TF: variants seen among roughly 807,000 people sequenced by gnomAD.
TF encodes the protein serotransferrin.
A neutral mutation model predicts 82.4 loss-of-function variants in TF; 55 were observed. The ratio of observed to expected loss-of-function variants is 0.67; its 90% CI spans 0.54 to 0.84. The LOEUF (loss-of-function observed/expected upper bound fraction) is 0.84. Ranked by LOEUF, TF falls within the 40% of genes least tolerant of loss-of-function variation. TF has a pLI of 0.00. For synonymous variants in TF, 332 were observed against 332.6 expected (o/e 1.00, Z 0.02); for missense variants, 737 against 868.4 (o/e 0.85, Z 1.90).
chr3:133,757,029 T>G lies in TF; in HGVS notation c.870+20T>G. 6.2e-7 allele frequency: 1 copy of G among 1,614,020 alleles called. No homozygotes were observed. The highest frequency in any genetic ancestry group is 2.2e-5 in the East Asian group (1 of 44,860). On this transcript the variant is annotated intron_variant, in intron 7 of 16. Coordinates refer to ENST00000402696, the MANE Select transcript of TF (RefSeq NM_001063.4). The stretch of plus-strand genomic sequence containing the variant: ...GCCCAGGTATCCCCACCTGCCATCC[T>G]CCCCTCCAGCTTAGTGCTCCCTGCT...
intron 8 of TF, 67 bp from the exon 9 acceptor site, chr3:133,759,101 CAGTGAGT>C: frequency 6.3e-7 from 1 of 1,579,450 alleles, no homozygotes; most frequent in Non-Finnish European, 8.7e-7. Context: ...TGCATGAAGA[CAGTGAGT>C]AGTGCTGACA....
At chr3:133,670,739 G>A in the TF span, among the ~76,000 whole-genome samples, 33 of 152,298 alleles carry the variant, frequency 2.2e-4, 1 homozygote, top group African/African-American at 6.0e-4. Flanking sequence ...CCAACCTTGT[G>A]TTAGAATGTT....
chr3:133,674,840 AC>A, the TF span, among the ~76,000 whole-genome samples: 1 of 152,034 alleles, frequency 6.6e-6, no homozygotes, highest in African/African-American at 2.4e-5. Context: ...CCTCGCAGAA[AC>A]CCCATTGACT....
chr3:133,738,568 C>A, the TF span, among the ~76,000 whole-genome samples: 718 of 135,774 alleles, frequency 5.3e-3, 2 homozygotes, highest in Non-Finnish European at 5.5e-3. Context: ...AAAACCCCAT[C>A]GTCTCAGTCC....
chr3:133,792,980 C>T lies in TF; in HGVS notation c.*14360C>T, dbSNP rs1934877740. On this transcript the variant is annotated 3_prime_UTR_variant, in exon 17 of 17. Coordinates refer to ENST00000402696, the MANE Select transcript of TF (RefSeq NM_001063.4). Reference sequence around the variant, plus strand: ...GATTATAAAAGGTTTATGAGAATCTCACCTTATGGTCAAACGGATTAAGAT... The same window carrying T: ...GATTATAAAAGGTTTATGAGAATCTTACCTTATGGTCAAACGGATTAAGAT... The T allele has an allele frequency of 6.6e-6, 1 of 152,150 alleles. No homozygotes were observed. Among genetic ancestry groups the T allele is most frequent in the African/African-American group, 2.4e-5 (1 of 41,446 alleles). The allele number at this position is 152,150 out of a possible 1,614,324, so 9.4% of individuals were successfully genotyped here. A position where few individuals can be genotyped will look rare whatever the true frequency, so the allele number is the denominator to read the frequency against.
At chr3:133,711,092 T>C in the TF span, among the ~76,000 whole-genome samples, 90 of 152,364 alleles carry the variant, frequency 5.9e-4, 1 homozygote, top group South Asian at 1.4e-3. Context: ...TTGTTTTTCT[T>C]CTATTCTCAC....
intron 11 of TF, 80 bp from the exon 12 acceptor site, chr3:133,766,198 C>A (rs1934121913): frequency 7.2e-7 from 1 of 1,389,100 alleles, no homozygotes; most frequent in African/African-American, 1.4e-5. Context: ...TCTTTGCTTC[C>A]CTAGGGAAAT....
At chr3:133,693,943 G>A in the TF span, among the ~76,000 whole-genome samples, 5 of 152,202 alleles carry the variant, frequency 3.3e-5, no homozygotes, top group Non-Finnish European at 7.3e-5. Context: ...CAGCGGACAA[G>A]CTGGGGAACA....
At chr3:133,760,871 T>C (rs1933975993) in intron 9 of TF, 1 of 152,776 alleles carries the variant, frequency 6.5e-6, no homozygotes. Context: ...TATGCTACTT[T>C]AGGAGGTCCA....
chr3:133,690,721 A>G, the TF span, among the ~76,000 whole-genome samples: 2 of 152,082 alleles, frequency 1.3e-5, no homozygotes, highest in African/African-American at 4.8e-5. Flanking sequence ...TGCATCTGTT[A>G]TTGGGGTTTG....
the TF span, chr3:133,692,761 G>T: frequency 0.6 from 91,520 of 152,140 alleles, 28,313 homozygotes; most frequent in African/African-American, 0.75. Context: ...TATTCCTCTC[G>T]GCTCCTTTGC....
At chr3:133,759,728 C>T (rs895192661) in intron 9 of TF, among the ~76,000 whole-genome samples, 4 of 152,140 alleles carry the variant, frequency 2.6e-5, no homozygotes, top group Non-Finnish European at 5.9e-5. Flanking sequence ...TGGTGGCATG[C>T]ACCTGTAGTC....
intron 2 of TF, among the ~76,000 whole-genome samples, chr3:133,748,958 G>A (rs752638977): frequency 2.6e-5 from 4 of 151,952 alleles, no homozygotes; most frequent in Non-Finnish European, 4.4e-5. Context: ...TCAGGAGTTC[G>A]AGACCAGCCT....
intron 3 of TF, among the ~76,000 whole-genome samples, 199 bp from the exon 4 acceptor site, chr3:133,754,296 A>G (rs1021101338): frequency 3.3e-5 from 5 of 152,144 alleles, no homozygotes; most frequent in African/African-American, 1.2e-4. Context: ...CTGGAGGGGT[A>G]ATATTATAAA....
the TF span, among the ~76,000 whole-genome samples, chr3:133,728,438 C>G: frequency 1.2e-3 from 184 of 149,242 alleles, 2 homozygotes; most frequent in African/African-American, 4.5e-3. Context: ...TCTTCCAGTT[C>G]ATTGCATCAG....
In TF at chr3:133,759,293, A is replaced by G. The variant is rs1377722061; in HGVS notation, c.1167A>G (p.Ser389=). 2 of 1,613,614 alleles carry G rather than the reference A, an allele frequency of 1.2e-6. No individual in the cohort carries two copies. Among genetic ancestry groups the G allele is most frequent in the Admixed American group, 1.7e-5 (1 of 59,980 alleles). The part of the protein sequence containing the change: ...VNSVGKIECV[S]AETTEDCIAK... Reference sequence around the variant, plus strand: ...GTGTAGGGAAAATAGAGTGTGTATCAGCAGAGACCACCGAAGACTGCATCG... The same window carrying G: ...GTGTAGGGAAAATAGAGTGTGTATCGGCAGAGACCACCGAAGACTGCATCG... Residue 389 remains serine, a synonymous_variant, in exon 9 of 17, where the codon TCA becomes TCG. Transcript: ENST00000402696.
At position 133,796,555 on chromosome 3, in the gene TF, C is replaced by T. The variant is rs142955264; in HGVS notation, c.*17935C>T. ...TTTAAACCCCAGAAAATTCTGTAAC[C>T]GGGCTATTGAGCCCCTATGCTCAAG... On this transcript the variant is annotated 3_prime_UTR_variant, in exon 17 of 17. Transcript: ENST00000402696. The T allele has an allele frequency of 1.2e-4, 19 of 152,318 alleles. No individual in the cohort carries two copies. The highest frequency in any genetic ancestry group is 3.8e-4 in the African/African-American group (16 of 41,572). 9.4% of individuals were successfully genotyped at this position (152,318 alleles called of 1,614,324 possible). A position where few individuals can be genotyped will look rare whatever the true frequency, so the allele number is the denominator to read the frequency against.
chr3:133,709,011 T>TCTTGCAGGAG, the TF span, among the ~76,000 whole-genome samples: 1 of 152,138 alleles, frequency 6.6e-6, no homozygotes, highest in Non-Finnish European at 1.5e-5. Context: ...GGAGACCTAC[T>TCTTGCAGGAG]ACCTGCAAGA....
rs780151301 is a variant in TF at position 133,777,242 on chromosome 3, A to T, written c.2062+4A>T. The T allele has an allele frequency of 6.2e-7, 1 of 1,611,170 alleles. No homozygotes were observed. Among genetic ancestry groups the T allele is most frequent in the East Asian group, 2.2e-5 (1 of 44,888 alleles). On this transcript the variant is annotated splice_donor_region_variant and intron_variant, in intron 16 of 16. Transcript: ENST00000402696. ...CTGAGAAAATGCTCCACCTCATGTGAGTAGGAGGAACAGCATGGGGAAGTG... is the reference window on the plus strand; with the variant it reads ...CTGAGAAAATGCTCCACCTCATGTGTGTAGGAGGAACAGCATGGGGAAGTG...
Sources: gnomAD v4.1 joint callset for allele counts (sites outside exome capture counted in the v4.1 genomes callset) on GRCh38, gnomAD v4.1.1 for gene constraint, MANE v1.5 for transcripts, NCBI Gene and HGNC (gene_info 2026-07-23, HGNC 2026-07-21) for gene names.